The following NTRK3 variants were observed in gnomAD, a reference collection of about 807,000 sequenced individuals.
NTRK3 encodes neurotrophic receptor tyrosine kinase 3.
In NTRK3, 24 loss-of-function variants were observed where a neutral mutation model predicts 91.7. The ratio of observed to expected loss-of-function variants is 0.26; its 90% CI spans 0.19 to 0.37. The LOEUF (loss-of-function observed/expected upper bound fraction) is 0.37, where lower values mean the gene tolerates loss of function less well. Among genes scored for constraint, NTRK3 ranks in the 10% least tolerant of loss-of-function variants. The probability of loss-of-function intolerance (pLI) is 1.00; values close to 1 mark genes in which losing one functional copy is unlikely to be tolerated. For missense variants in NTRK3, 880 were observed against 1,068.9 expected, an observed-to-expected ratio of 0.82 and a Z score of 2.46; for synonymous variants, 483 against 404.0, an observed-to-expected ratio of 1.20 and a Z score of -2.34.
intron 3 of NTRK3, among the ~76,000 whole-genome samples, chr15:88,211,109 A>T (rs1426628925): frequency 2.6e-5 from 4 of 152,204 alleles, no homozygotes; most frequent in African/African-American, 4.8e-5. Flanking sequence ...TGCAAACATC[A>T]CTTCTATTTA....
chr15:88,202,159 C>T (rs906229132), intron 3 of NTRK3, among the ~76,000 whole-genome samples: 21 of 152,204 alleles, frequency 1.4e-4, no homozygotes, highest in African/African-American at 4.8e-4. Context: ...AGCCTTCCTC[C>T]TGGTCTTCGT....
At position 88,234,720 on chromosome 15, in the gene NTRK3, G is replaced by A. The variant is rs1012130138; in HGVS notation, c.248+21186C>T. ...ATTTATTACACCCATCACTTCAGCT[G>A]TAAGTCGAATCATCTCTTGTTTAAA... On this transcript the variant is annotated intron_variant, in intron 3 of 18. Coordinates refer to ENST00000394480, the Ensembl canonical transcript of NTRK3. This position sits in a 1 kb window ranked among gnomAD's most constrained non-coding sequence, Gnocchi z 6.1. 6.6e-6 allele frequency among the ~76,000 whole-genome samples: 1 copy of A among 152,206 alleles called. No individual in the cohort carries two copies. The highest frequency in any genetic ancestry group is 1.5e-5 in the Non-Finnish European group (1 of 68,040).
intron 17 of NTRK3, among the ~76,000 whole-genome samples, chr15:87,906,151 C>T (rs184742298): frequency 1.3e-5 from 2 of 152,340 alleles, no homozygotes; most frequent in East Asian, 3.9e-4. Context: ...GGATTTAAAT[C>T]CTGGCTCCAC....
At chr15:88,022,494 C>T (rs2077672599) in intron 14 of NTRK3, among the ~76,000 whole-genome samples, 1 of 152,168 alleles carries the variant, frequency 6.6e-6, no homozygotes, top group African/African-American at 2.4e-5. Flanking sequence ...AATTACTTAT[C>T]TCTGGGAAAT....
intron 14 of NTRK3, among the ~76,000 whole-genome samples, chr15:87,994,434 T>C (rs1337706253): frequency 6.6e-6 from 1 of 152,122 alleles, no homozygotes; most frequent in Non-Finnish European, 1.5e-5. Flanking sequence ...CATGTGAACA[T>C]GAAGGCAGAG....
At chr15:87,881,427 T>TTATC (rs1469799399) in intron 17 of NTRK3, among the ~76,000 whole-genome samples, 6 of 149,300 alleles carry the variant, frequency 4.0e-5, no homozygotes, top group Non-Finnish European at 8.9e-5. Flanking sequence ...ATTTATTTAT[T>TTATC]TATTTATTTT....
chr15:88,185,185 C>T (rs1201103424), intron 3 of NTRK3, among the ~76,000 whole-genome samples: 1 of 152,200 alleles, frequency 6.6e-6, no homozygotes. Flanking sequence ...AAGCACACTA[C>T]ATCTATTAAC....
intron 17 of NTRK3, among the ~76,000 whole-genome samples, chr15:87,891,473 G>T (rs1205267277): frequency 1.3e-5 from 2 of 152,118 alleles, no homozygotes; most frequent in Admixed American, 6.6e-5. Context: ...GCAAAATTTT[G>T]TCCCATCTCT....
At chr15:87,947,567 C>T (rs2070690220) in intron 14 of NTRK3, among the ~76,000 whole-genome samples, 1 of 152,166 alleles carries the variant, frequency 6.6e-6, no homozygotes, top group African/African-American at 2.4e-5. Context: ...ATGCAGAAAC[C>T]CAAGACCTTG....
chr15:88,161,470 C>G (rs1038639075), intron 5 of NTRK3, among the ~76,000 whole-genome samples: 1 of 152,156 alleles, frequency 6.6e-6, no homozygotes, highest in Non-Finnish European at 1.5e-5. Flanking sequence ...TCCTACGATT[C>G]TTAGGTAAAA....
intron 14 of NTRK3, among the ~76,000 whole-genome samples, chr15:87,952,658 G>A (rs1376361011): frequency 6.6e-6 from 1 of 152,114 alleles, no homozygotes; most frequent in Non-Finnish European, 1.5e-5. Context: ...CTCCTTCCGC[G>A]TGACCTCTGC....
At chr15:87,878,862 T>TG (rs2065078510) in intron 18 of NTRK3, among the ~76,000 whole-genome samples, 1 of 151,734 alleles carries the variant, frequency 6.6e-6, no homozygotes, top group Non-Finnish European at 1.5e-5. Context: ...CTCTGTTTAC[T>TG]GGGGCCACCA....
chr15:88,183,560 GC>G, intron 4 of NTRK3, 71 bp from the exon 5 acceptor site: 1 of 1,431,926 alleles, frequency 7.0e-7, no homozygotes, highest in Non-Finnish European at 9.8e-7. Context: ...GCTGAGGCTG[GC>G]AGGGGGTGAG....
At chr15:87,934,862 C>G (rs2069127647) in intron 15 of NTRK3, among the ~76,000 whole-genome samples, 1 of 152,178 alleles carries the variant, frequency 6.6e-6, no homozygotes, top group Non-Finnish European at 1.5e-5. Flanking sequence ...GAGGTGTGGT[C>G]TTCCAGCCAG....
intron 13 of NTRK3, among the ~76,000 whole-genome samples, chr15:88,071,652 C>A (rs761239273): frequency 1.3e-5 from 2 of 152,176 alleles, no homozygotes; most frequent in African/African-American, 4.8e-5. Context: ...CGTTATTATT[C>A]CCATTTTATA....
chr15:88,023,999 G>A (rs1341797132), intron 14 of NTRK3, among the ~76,000 whole-genome samples: 6 of 152,172 alleles, frequency 3.9e-5, no homozygotes, highest in East Asian at 3.9e-4. Context: ...ATTACCCTAC[G>A]CTAAGCGATG....
intron 3 of NTRK3, among the ~76,000 whole-genome samples, chr15:88,229,993 A>G (rs2051033877): frequency 6.6e-6 from 1 of 152,234 alleles, no homozygotes; most frequent in African/African-American, 2.4e-5. Context: ...CAAAGAGTCC[A>G]GAGAGACCAT....
At chr15:88,017,397 A>T (rs191361850) in intron 14 of NTRK3, among the ~76,000 whole-genome samples, 1 of 152,254 alleles carries the variant, frequency 6.6e-6, no homozygotes, top group Non-Finnish European at 1.5e-5. Flanking sequence ...CTAAGCATCC[A>T]TGAAGGCTTC....
chr15:88,230,639 A>G (rs1219091137), intron 3 of NTRK3, among the ~76,000 whole-genome samples: 4 of 152,208 alleles, frequency 2.6e-5, no homozygotes, highest in African/African-American at 9.7e-5. Flanking sequence ...GCCTTCTCCT[A>G]TTAGCTTGCA....
Sources: allele counts gnomAD v4.1 joint callset (sites outside exome capture counted in the v4.1 genomes callset), GRCh38; gene constraint gnomAD v4.1.1; non-coding constraint Gnocchi (gnomAD v3.1); transcripts MANE v1.5; gene names NCBI Gene and HGNC (gene_info 2026-07-23, HGNC 2026-07-21).